SV2C: variants seen among roughly 807,000 people sequenced by gnomAD.
SV2C encodes the protein solute carrier family 22 member B3.
In SV2C, 49 loss-of-function variants were observed where a neutral mutation model predicts 79.7. The observed-to-expected ratio is 0.61, with a 90% confidence interval of 0.49 to 0.78. SV2C has a LOEUF of 0.78. Ranked by LOEUF, SV2C falls within the 30% of genes least tolerant of loss-of-function variation. The pLI is 0.00. For missense variants in SV2C, 833 were observed against 912.9 expected (o/e 0.91, Z 1.13); for synonymous variants, 334 against 333.2 (o/e 1.00, Z -0.03).
chr5:76,073,411 G>C, the SV2C span, among the ~76,000 whole-genome samples: 3 of 149,966 alleles, frequency 2.0e-5, no homozygotes, highest in South Asian at 4.2e-4. Flanking sequence ...TGCATGTTTA[G>C]AGCATCACAA....
the SV2C span, among the ~76,000 whole-genome samples, chr5:76,039,938 A>G: frequency 3.3e-5 from 5 of 152,174 alleles, no homozygotes; most frequent in East Asian, 3.9e-4. Context: ...GAAAATGGGT[A>G]TCATTGTCTA....
intron 1 of SV2C, among the ~76,000 whole-genome samples, chr5:76,129,334 C>T (rs975568552): frequency 2.6e-5 from 4 of 152,226 alleles, no homozygotes; most frequent in Admixed American, 6.5e-5. Context: ...GAACAAGTCT[C>T]TTCCCTCAAG....
chr5:76,266,365 G>A (rs1325500453), intron 4 of SV2C, among the ~76,000 whole-genome samples: 2 of 151,932 alleles, frequency 1.3e-5, no homozygotes, highest in South Asian at 2.1e-4. Flanking sequence ...GTGCCACCAC[G>A]CCCAGCTAAT....
the SV2C span, among the ~76,000 whole-genome samples, chr5:76,038,047 AC>A: frequency 3.9e-5 from 6 of 152,110 alleles, no homozygotes; most frequent in African/African-American, 1.4e-4. Flanking sequence ...AGGAAAGGGA[AC>A]TCCCTGACCC....
At chr5:75,916,396 C>A in the SV2C span, among the ~76,000 whole-genome samples, 1 of 136,142 alleles carries the variant, frequency 7.3e-6, no homozygotes, top group Non-Finnish European at 1.6e-5. Context: ...TTCCCCTTCC[C>A]CTTCCTCCTC....
chr5:75,997,501 AC>A, the SV2C span, among the ~76,000 whole-genome samples: 1 of 152,140 alleles, frequency 6.6e-6, no homozygotes, highest in Non-Finnish European at 1.5e-5. Flanking sequence ...CAAGAAAAAA[AC>A]AAACAACCCC....
chr5:75,937,953 A>G, the SV2C span, among the ~76,000 whole-genome samples: 1 of 150,908 alleles, frequency 6.6e-6, no homozygotes, highest in African/African-American at 2.5e-5. Context: ...TTGATAATTG[A>G]TAAAAAAATT....
intron 4 of SV2C, among the ~76,000 whole-genome samples, chr5:76,250,349 G>A (rs1746077057): frequency 6.6e-6 from 1 of 152,084 alleles, no homozygotes; most frequent in South Asian, 2.1e-4. Flanking sequence ...TAGGACATTA[G>A]GGCTCTCAGC....
intron 1 of SV2C, among the ~76,000 whole-genome samples, chr5:76,085,338 T>C (rs541809587): frequency 1.3e-5 from 2 of 152,324 alleles, no homozygotes; most frequent in South Asian, 4.1e-4. Flanking sequence ...TCCTCTTTCA[T>C]GGCATAAAAA....
intron 12 of SV2C, among the ~76,000 whole-genome samples, chr5:76,321,994 T>C (rs1307972479): frequency 6.6e-6 from 1 of 152,136 alleles, no homozygotes; most frequent in Non-Finnish European, 1.5e-5. Context: ...CCCAGCTCAG[T>C]ATTCGGTTTC....
At chr5:76,011,717 C>T in the SV2C span, among the ~76,000 whole-genome samples, 9 of 151,968 alleles carry the variant, frequency 5.9e-5, no homozygotes, top group African/African-American at 1.9e-4. Context: ...ACCTATAACC[C>T]GTCATCTACG....
chr5:76,247,412 C>T (rs1473861202), intron 4 of SV2C, among the ~76,000 whole-genome samples: 1 of 152,216 alleles, frequency 6.6e-6, no homozygotes, highest in Non-Finnish European at 1.5e-5. Context: ...TCACTTAAAA[C>T]CAACTTTCCC....
rs369003078 is a variant in SV2C at position 76,238,795 on chromosome 5, G to A, written c.913+28908G>A. 3.9e-5 allele frequency among the ~76,000 whole-genome samples: 6 copies of A among 152,280 alleles called. No individual in the cohort carries two copies. In the South Asian group the frequency reaches 8.3e-4, roughly 21 times the overall value. ...GGGGTTCTGAGAAGGATGTGGAGGGGAATGCCACACTATTCACACTGGTGA... is the reference window on the plus strand; with the variant it reads ...GGGGTTCTGAGAAGGATGTGGAGGGAAATGCCACACTATTCACACTGGTGA... On this transcript the variant is annotated intron_variant, in intron 4 of 12. Transcript: ENST00000502798.
At chr5:75,988,721 C>T in the SV2C span, among the ~76,000 whole-genome samples, 7 of 152,030 alleles carry the variant, frequency 4.6e-5, no homozygotes, top group South Asian at 1.0e-3. Flanking sequence ...CTGAAGGAAA[C>T]CAGAATATGT....
At chr5:75,895,951 T>C in the SV2C span, among the ~76,000 whole-genome samples, 3 of 152,130 alleles carry the variant, frequency 2.0e-5, no homozygotes, top group African/African-American at 7.2e-5. Context: ...AGAACTGTTA[T>C]TTATATATTA....
At chr5:75,874,995 A>T in the SV2C span, among the ~76,000 whole-genome samples, 1 of 152,226 alleles carries the variant, frequency 6.6e-6, no homozygotes. Context: ...AGCAATTTAC[A>T]GATTCAATGC....
chr5:76,180,495 A>C (rs574102634), intron 2 of SV2C, among the ~76,000 whole-genome samples: 13 of 152,298 alleles, frequency 8.5e-5, no homozygotes, highest in African/African-American at 2.6e-4. Flanking sequence ...CCATATTAAT[A>C]TACTTGATGC....
chr5:76,275,853 C>T (rs574230587), intron 4 of SV2C, among the ~76,000 whole-genome samples: 2 of 152,278 alleles, frequency 1.3e-5, no homozygotes, highest in African/African-American at 2.4e-5. Context: ...ATAAATTCCT[C>T]GGTATGACAT....
the SV2C span, among the ~76,000 whole-genome samples, chr5:75,926,518 A>G: frequency 6.6e-6 from 1 of 151,922 alleles, no homozygotes; most frequent in Non-Finnish European, 1.5e-5. Context: ...CGGTGCCTGA[A>G]TTTTCTTGGC....
Sources: gnomAD v4.1 joint callset for allele counts (sites outside exome capture counted in the v4.1 genomes callset) on GRCh38, gnomAD v4.1.1 for gene constraint, MANE v1.5 for transcripts, NCBI Gene and HGNC (gene_info 2026-07-23, HGNC 2026-07-21) for gene names.